ZFP37: variants seen among roughly 807,000 people sequenced by gnomAD.
ZFP37 encodes ZFP37 zinc finger protein.
Under a neutral mutation model 52.1 loss-of-function variants are expected in ZFP37, and 38 were observed. That is an observed-to-expected ratio of 0.73 (90% CI 0.56 to 0.96). The LOEUF (loss-of-function observed/expected upper bound fraction) is 0.96, where lower values mean the gene tolerates loss of function less well. Among genes scored for constraint, ZFP37 ranks in the 40% least tolerant of loss-of-function variants. The pLI, the probability that ZFP37 is intolerant of heterozygous loss-of-function variation, is 0.00. For missense variants in ZFP37, 695 were observed against 741.4 expected (o/e 0.94, Z 0.73); for synonymous variants, 253 against 259.5 (o/e 0.98, Z 0.24).
intron 3 of ZFP37, 113 bp downstream of exon 3, chr9:113,049,249 G>A: frequency 9.2e-6 from 11 of 1,191,842 alleles, no homozygotes; most frequent in Non-Finnish European, 1.3e-5. Flanking sequence ...CTTTCCTCAG[G>A]AAATCCTGAT....
Position 113,043,904 on chromosome 9 carries a change from T to A in ZFP37, c.714A>T (p.Ser238=). 3 of 1,614,074 alleles carry A rather than the reference T, an allele frequency of 1.9e-6. No homozygotes were observed. Among genetic ancestry groups the A allele is most frequent in the Non-Finnish European group, 2.5e-6 (3 of 1,179,924 alleles). ...TGCCAGTTTTGTTACACTTATCAGA[T>A]GAGCTATGGCTGGATAATTTCTCAT... ...KKHEKLSSHS[S]SDKCNKTGKK... is the part of the protein sequence containing the mutation. The change falls in exon 4 of 4, where the codon TCA becomes TCT. Residue 238 remains serine, a synonymous_variant. Coordinates refer to ENST00000374227, the MANE Select transcript of ZFP37 (RefSeq NM_003408.3).
At chr9:113,054,709 C>G (rs75594843) in intron 1 of ZFP37, among the ~76,000 whole-genome samples, 5,045 of 152,264 alleles carry the variant, frequency 0.033, 268 homozygotes, top group South Asian at 0.18. Flanking sequence ...ATGTAAATCT[C>G]GATTCTTCTC....
chr9:113,043,108 G>C lies in ZFP37; in HGVS notation c.1510C>G (p.Leu504Val). ...CGKAFGHSSS[L>V]TYHMRTHTGE... ...GTATGAGTTCTCATATGGTAAGTAA[G>C]AGATGAGCTATGTCCAAAGGCTTTT... Residue 504 changes from leucine (L) to valine (V), a missense_variant, in exon 4 of 4, where the codon CTT becomes GTT. Leu to Val is a conservative substitution (Grantham distance 32). Coordinates refer to ENST00000374227, the MANE Select transcript of ZFP37 (RefSeq NM_003408.3). The C allele has an allele frequency of 6.2e-7, 1 of 1,613,660 alleles. No individual in the cohort carries two copies. Among genetic ancestry groups the C allele is most frequent in the Non-Finnish European group, 8.5e-7 (1 of 1,179,944 alleles).
chr9:113,043,156 G>A lies in ZFP37; in HGVS notation c.1462C>T (p.Pro488Ser). The change falls in exon 4 of 4, where the codon CCT becomes TCT. Residue 488 changes from proline to serine, a missense_variant. By Grantham distance (74) the Pro-to-Ser change is moderately conservative (BLOSUM62 -1). Coordinates refer to ENST00000374227, the MANE Select transcript of ZFP37 (RefSeq NM_003408.3). ...IHQRTHTKEKPYKCNECGKAF... is the reference protein window; with the variant it reads ...IHQRTHTKEKSYKCNECGKAF... ...TTTCCACACTCATTACATTTATAAG[G>A]TTTCTCCTTAGTATGAGTTCTTTGA... 1.2e-6 allele frequency: 2 copies of A among 1,613,672 alleles called. No homozygotes were observed. Among genetic ancestry groups the A allele is most frequent in the Non-Finnish European group, 1.7e-6 (2 of 1,179,920 alleles).
At chr9:113,046,736 A>T (rs570166665) in intron 3 of ZFP37, among the ~76,000 whole-genome samples, 1 of 152,314 alleles carries the variant, frequency 6.6e-6, no homozygotes, top group Non-Finnish European at 1.5e-5. Flanking sequence ...TCAGAAACAA[A>T]TATGGAGCTC....
rs766141346 is a variant in ZFP37 at position 113,043,862 on chromosome 9, T to A, written c.756A>T (p.Leu252Phe). The change falls in exon 4 of 4, where the codon TTA becomes TTT. Residue 252 changes from leucine (L) to phenylalanine (F), a missense_variant. Around this residue, in one of 2 missense-constraint regions of ZFP37, gnomAD observed 369 missense variants for 340.9 expected, o/e 1.08. Coordinates refer to ENST00000374227, the MANE Select transcript of ZFP37 (RefSeq NM_003408.3). The stretch of plus-strand genomic sequence containing the variant: ...TAATATGGGATGAACTATGACAGCA[T>A]AATTTGTCATGTTTTTTGCCAGTTT... ...CNKTGKKHDKLCCHSSSHIKQ... is the reference protein window; with the variant it reads ...CNKTGKKHDKFCCHSSSHIKQ... 3.2e-5 allele frequency: 52 copies of A among 1,614,000 alleles called. No individual in the cohort carries two copies. Among genetic ancestry groups the A allele is most frequent in the Non-Finnish European group, 4.2e-5 (50 of 1,179,968 alleles).
At chr9:113,051,047 A>C (rs1185735585) in intron 1 of ZFP37, among the ~76,000 whole-genome samples, 4 of 152,206 alleles carry the variant, frequency 2.6e-5, no homozygotes, top group African/African-American at 9.6e-5. Flanking sequence ...GAGGAAAAGC[A>C]GCAGAAAAAG....
At chr9:113,047,107 TAAAAA>T (rs376369021) in intron 3 of ZFP37, among the ~76,000 whole-genome samples, 1 of 118,588 alleles carries the variant, frequency 8.4e-6, no homozygotes, top group Non-Finnish European at 1.8e-5. Context: ...AGACTCCGTC[TAAAAA>T]AAAAAAAAAA....
chr9:113,050,484 A>G (rs906009175), intron 1 of ZFP37, among the ~76,000 whole-genome samples: 4 of 152,072 alleles, frequency 2.6e-5, no homozygotes, highest in African/African-American at 7.2e-5. Context: ...AAAAAAAAAA[A>G]AAGAAAAAAG....
Position 113,049,464 on chromosome 9 carries a change from T to A in ZFP37, c.247A>T (p.Lys83Ter). The change falls in exon 3 of 4, where the codon AAG becomes TAG. Residue 83 changes from lysine to a stop codon, truncating the protein, a stop_gained. Transcript: ENST00000374227. LOFTEE classifies it high-confidence loss of function. The part of the protein sequence containing the change: ...CQAPKPDMIS[K>*]LEKGEAPWLG... ...CATGGTGCTTCTCCTTTTTCCAACT[T>A]GGAGATCATGTCTGGTTTGGGAGCT... 6.2e-7 allele frequency: 1 copy of A among 1,613,934 alleles called. No homozygotes were observed. The highest frequency in any genetic ancestry group is 8.5e-7 in the Non-Finnish European group (1 of 1,179,894).
In ZFP37 at chr9:113,042,707, A is replaced by G. The variant is rs765478999; in HGVS notation, c.*18T>C. 6.5e-7 allele frequency: 1 copy of G among 1,527,570 alleles called. No individual in the cohort carries two copies. 94.6% of individuals were successfully genotyped at this position (1,527,570 alleles called of 1,614,324 possible). A position where few individuals can be genotyped will look rare whatever the true frequency, so the allele number is the denominator to read the frequency against. On this transcript the variant is annotated 3_prime_UTR_variant, in exon 4 of 4. Coordinates refer to ENST00000374227, the MANE Select transcript of ZFP37 (RefSeq NM_003408.3). ...CAACAAAACCTTAAATTTAGTTAAC[A>G]AATTTCCCACATTAACTTCACTCAT...
chr9:113,056,470 A>T (rs775519753), intron 1 of ZFP37, 87 bp downstream of exon 1: 32 of 1,553,506 alleles, frequency 2.1e-5, no homozygotes, highest in Admixed American at 3.6e-5. Flanking sequence ...TTCCCAAATC[A>T]CCTATCGTCA....
chr9:113,043,857 C>G lies in ZFP37; in HGVS notation c.761G>C (p.Cys254Ser). The G allele has an allele frequency of 6.2e-7, 1 of 1,614,054 alleles. No individual in the cohort carries two copies. Among genetic ancestry groups the G allele is most frequent in the Non-Finnish European group, 8.5e-7 (1 of 1,179,950 alleles). ...CTGTTTAATATGGGATGAACTATGA[C>G]AGCATAATTTGTCATGTTTTTTGCC... ...KTGKKHDKLC[C>S]HSSSHIKQDK... is the part of the protein sequence containing the mutation. The change falls in exon 4 of 4, where the codon TGT becomes TCT. Residue 254 changes from cysteine (C) to serine (S), a missense_variant. Transcript: ENST00000374227.
In ZFP37 at chr9:113,052,745, G is replaced by A. The variant is rs1829078344; in HGVS notation, c.133-2873C>T. Among the ~76,000 whole-genome samples the A allele has an allele frequency of 6.6e-6, 1 of 152,162 alleles. No homozygotes were observed. The highest frequency in any genetic ancestry group is 1.5e-5 in the Non-Finnish European group (1 of 68,026). The stretch of plus-strand genomic sequence containing the variant: ...AATTCCAGACTCCCAGAAGAAAGCA[G>A]GTGTTCAGCATAAACCACACTGTGT... On this transcript the variant is annotated intron_variant, in intron 1 of 3. Transcript: ENST00000374227. The surrounding 1 kb of genome is among the most constrained non-coding windows in gnomAD (Gnocchi z 4.1).
intron 3 of ZFP37, among the ~76,000 whole-genome samples, chr9:113,044,703 C>T (rs1190966490): frequency 6.6e-6 from 1 of 152,128 alleles, no homozygotes; most frequent in African/African-American, 2.4e-5. Flanking sequence ...TCCATGGGCA[C>T]AGTTGGAGAC....
rs1410488341 is a variant in ZFP37, at chr9:113,043,506, T to C, written c.1112A>G (p.His371Arg). The C allele has an allele frequency of 6.2e-7, 1 of 1,614,022 alleles. No homozygotes were observed. Among genetic ancestry groups the C allele is most frequent in the African/African-American group, 1.3e-5 (1 of 74,948 alleles). The stretch of plus-strand genomic sequence containing the variant: ...ACATTCATAGGGCTTTTCTCCAGTA[T>C]GAATTCTTAGATGGTCAGTGAGTGC... ...KHALTDHLRI[H>R]TGEKPYECAE... Residue 371 changes from histidine (H) to arginine (R), a missense_variant, in exon 4 of 4, where the codon CAT becomes CGT. Transcript: ENST00000374227.
At chr9:113,055,030 T>C (rs1480168511) in intron 1 of ZFP37, among the ~76,000 whole-genome samples, 4 of 152,178 alleles carry the variant, frequency 2.6e-5, no homozygotes, top group Non-Finnish European at 1.5e-5. Context: ...CACTAGCCAA[T>C]AAAATCCTAC....
At chr9:113,046,509 C>T (rs576044899) in intron 3 of ZFP37, among the ~76,000 whole-genome samples, 9 of 152,104 alleles carry the variant, frequency 5.9e-5, no homozygotes, top group African/African-American at 2.2e-4. Flanking sequence ...AGAACCTTTA[C>T]AATGATGAAT....
intron 1 of ZFP37, among the ~76,000 whole-genome samples, chr9:113,056,091 C>T (rs983957325): frequency 2.2e-4 from 34 of 151,680 alleles, no homozygotes; most frequent in African/African-American, 7.8e-4. Context: ...ACAGACATCA[C>T]CGTCACTGAC....
Sources: gnomAD v4.1 joint callset for allele counts (sites outside exome capture counted in the v4.1 genomes callset) on GRCh38, gnomAD v4.1.1 for gene constraint, gnomAD v4.1.1 regional missense constraint, Gnocchi (gnomAD v3.1) non-coding constraint, MANE v1.5 for transcripts, NCBI Gene and HGNC (gene_info 2026-07-23, HGNC 2026-07-21) for gene names.